The following TUBGCP6 variants were observed in gnomAD, a reference collection of about 807,000 sequenced individuals.
TUBGCP6 encodes the protein tubulin gamma complex component 6.
A neutral mutation model predicts 175.8 loss-of-function variants in TUBGCP6; 161 were observed. That is an observed-to-expected ratio of 0.92 (90% CI 0.81 to 1.04). TUBGCP6 has a LOEUF of 1.04. Ranked by LOEUF, TUBGCP6 falls within the 50% of genes least tolerant of loss-of-function variation. The pLI, the probability that TUBGCP6 is intolerant of heterozygous loss-of-function variation, is 0.00. For missense variants in TUBGCP6, 2,572 were observed against 2,433.0 expected (o/e 1.06, Z -1.20); for synonymous variants, 1,173 against 1,030.5 (o/e 1.14, Z -2.65).
intron 13 of TUBGCP6, 21 bp from the exon 14 acceptor site, chr22:50,222,613 G>A: frequency 6.2e-7 from 1 of 1,606,788 alleles, no homozygotes; most frequent in Non-Finnish European, 8.5e-7. Context: ...ACACCAGAGA[G>A]GACACGGCCA....
Position 50,244,054 on chromosome 22 carries a change from T to C in TUBGCP6, c.406A>G (p.Asn136Asp), listed in dbSNP as rs1415684538. The change falls in exon 1 of 25, where the codon AAC becomes GAC. Residue 136 changes from asparagine (N) to aspartate (D), a missense_variant. Physicochemically the swap from Asn to Asp is conservative, Grantham distance 23. Transcript: ENST00000248846. Reference sequence around the variant, plus strand: ...GGAACGTTTCTCCCCACATGCTTGTTGTTAAGGAAGTAGTCTCGTTTTCTC... The same window carrying C: ...GGAACGTTTCTCCCCACATGCTTGTCGTTAAGGAAGTAGTCTCGTTTTCTC... ...LPRKRDYFLN[N>D]KHVGRNVPYS... is the part of the protein sequence containing the mutation. 1.9e-6 allele frequency: 3 copies of C among 1,613,952 alleles called. No individual in the cohort carries two copies. The highest frequency in any genetic ancestry group is 3.3e-5 in the Admixed American group (2 of 60,010).
At chr22:50,234,848 CT>C (rs1396010616) in intron 2 of TUBGCP6, among the ~76,000 whole-genome samples, 1 of 149,874 alleles carries the variant, frequency 6.7e-6, no homozygotes, top group Non-Finnish European at 1.5e-5. Context: ...ACCCACACCC[CT>C]GTCCCTGGCA....
intron 13 of TUBGCP6, chr22:50,222,899 C>T (rs1409539375): frequency 1.8e-5 from 6 of 338,100 alleles, no homozygotes; most frequent in Non-Finnish European, 1.6e-5. Context: ...AGCAGGAGGC[C>T]GAGGGCCCCA....
At chr22:50,241,983 C>CAAAAAAAAAA (rs55647714) in intron 1 of TUBGCP6, among the ~76,000 whole-genome samples, 15 of 92,788 alleles carry the variant, frequency 1.6e-4, no homozygotes, top group South Asian at 3.3e-4. Flanking sequence ...GACTCCATCT[C>CAAAAAAAAAA]AAAAAAAAAA....
rs763709329 is a variant in TUBGCP6 at position 50,224,029 on chromosome 22, T to C, written c.2270+112A>G. 261 of 927,208 alleles carry C rather than the reference T, an allele frequency of 2.8e-4. 1 individual carries two copies. Among genetic ancestry groups the C allele is most frequent in the Non-Finnish European group, 7.0e-5 (42 of 602,334 alleles). The allele number at this position is 927,208 out of a possible 1,614,324, so 57.4% of individuals were successfully genotyped here. On this transcript the variant is annotated intron_variant, in intron 13 of 24. Transcript: ENST00000248846. ...CAGCATATTGGTCTTTCTACCTTAA[T>C]GTATGTTTGAAGGTTTTCAAAACAA... is the stretch of plus-strand genomic sequence containing the variant.
At chr22:50,223,791 A>C (rs2064563667) in intron 13 of TUBGCP6, 3 of 175,804 alleles carry the variant, frequency 1.7e-5, no homozygotes, top group South Asian at 2.6e-4. Context: ...AAAAAAAAAA[A>C]AAAAAAAAAA....
intron 2 of TUBGCP6, among the ~76,000 whole-genome samples, chr22:50,235,472 A>G (rs1394834499): frequency 3.9e-5 from 6 of 152,266 alleles, no homozygotes; most frequent in African/African-American, 1.2e-4. Context: ...CAGCTCAGAC[A>G]CGTGCTCCAG....
chr22:50,241,299 G>A lies in TUBGCP6; in HGVS notation c.742-932C>T, dbSNP rs2064835958. On this transcript the variant is annotated intron_variant, in intron 1 of 24. Coordinates refer to ENST00000248846, the MANE Select transcript of TUBGCP6 (RefSeq NM_020461.4). ...GGCCACTAGAGGGCTCCTTAGTCTAGTGGTAATGGCAGCACCTGGGAAGAC... is the reference window on the plus strand; with the variant it reads ...GGCCACTAGAGGGCTCCTTAGTCTAATGGTAATGGCAGCACCTGGGAAGAC... Among the ~76,000 whole-genome samples, 3 of 152,168 alleles carry A rather than the reference G, an allele frequency of 2.0e-5. No homozygotes were observed. The South Asian group carries it at 6.2e-4, about 32-fold the overall frequency.
In TUBGCP6 at chr22:50,219,317, C is replaced by T; in HGVS notation, c.4455G>A (p.Lys1485=). 5 of 1,603,486 alleles carry T rather than the reference C, an allele frequency of 3.1e-6. No individual in the cohort carries two copies. Among genetic ancestry groups the T allele is most frequent in the African/African-American group, 1.3e-5 (1 of 75,020 alleles). Residue 1485 remains lysine (K), a synonymous_variant, in exon 19 of 25, where the codon AAG becomes AAA. Transcript: ENST00000248846. ...SELLTLPVLM[K]RSITAPLAAH... Reference sequence around the variant, plus strand: ...CGGCCAGCGGTGCCGTGATGGAGCGCTTCATGAGCACGGGCAGCGTCAGCA... The same window carrying T: ...CGGCCAGCGGTGCCGTGATGGAGCGTTTCATGAGCACGGGCAGCGTCAGCA...
At chr22:50,243,525 C>G (rs947253088) in intron 1 of TUBGCP6, among the ~76,000 whole-genome samples, 194 bp downstream of exon 1, 4 of 137,910 alleles carry the variant, frequency 2.9e-5, no homozygotes, top group Non-Finnish European at 4.5e-5. Flanking sequence ...GGCTGAGGTA[C>G]GAGAATTGCT....
At chr22:50,225,563 G>C (rs1265481853) in intron 10 of TUBGCP6, among the ~76,000 whole-genome samples, 1 of 139,924 alleles carries the variant, frequency 7.1e-6, no homozygotes, top group East Asian at 2.1e-4. Flanking sequence ...TCTGGCTCCG[G>C]ACATTCATCT....
rs936182958 is a variant in TUBGCP6 at position 50,244,984 on chromosome 22, C to T, written c.-525G>A. On this transcript the variant is annotated 5_prime_UTR_variant, in exon 1 of 25. Transcript: ENST00000248846. ...ACCCGTGGAAAGTGCCCACGGCTGC[C>T]GCTCTCGCCGCCTCCGTCGCGTCAC... The T allele has an allele frequency of 7.0e-5, 16 of 227,240 alleles. No individual in the cohort carries two copies. The highest frequency in any genetic ancestry group is 2.1e-4 in the African/African-American group (9 of 41,982). The allele number at this position is 227,240 out of a possible 1,614,324, so 14.1% of individuals were successfully genotyped here.
At chr22:50,230,168 T>C (rs1213564725) in intron 3 of TUBGCP6, among the ~76,000 whole-genome samples, 1 of 152,192 alleles carries the variant, frequency 6.6e-6, no homozygotes, top group African/African-American at 2.4e-5. Flanking sequence ...CCTAAAGAGA[T>C]ATTTTAAAAA....
intron 24 of TUBGCP6, 26 bp downstream of exon 24, chr22:50,217,892 G>T (rs1480102817): frequency 6.2e-6 from 10 of 1,604,804 alleles, no homozygotes; most frequent in African/African-American, 1.3e-5. Flanking sequence ...CCCCCCCGCA[G>T]CCCTCCCAGC....
chr22:50,220,697 G>C lies in TUBGCP6; in HGVS notation c.3662C>G (p.Thr1221Ser), dbSNP rs2147177823. 1.9e-6 allele frequency: 3 copies of C among 1,611,006 alleles called. No individual in the cohort carries two copies. Among genetic ancestry groups the C allele is most frequent in the Non-Finnish European group, 2.5e-6 (3 of 1,179,776 alleles). Reference sequence around the variant, plus strand: ...TACGTTCTCCCCAACCCTGATGCTGGTGTCAGACACATGTCCGTGGGTGTT... The same window carrying C: ...TACGTTCTCCCCAACCCTGATGCTGCTGTCAGACACATGTCCGTGGGTGTT... ...RWNTHGHVSD[T>S]SIRVGENVSD... is the part of the protein sequence containing the mutation. The change falls in exon 16 of 25, where the codon ACC (threonine) becomes AGC (serine). Residue 1221 changes from threonine to serine, a missense_variant. Physicochemically the swap from Thr to Ser is moderately conservative, Grantham distance 58. Coordinates refer to ENST00000248846, the MANE Select transcript of TUBGCP6 (RefSeq NM_020461.4).
In TUBGCP6 at chr22:50,219,666, G is replaced by A. The variant is rs1276169876; in HGVS notation, c.4293C>T (p.Tyr1431=). 3 of 1,613,700 alleles carry A rather than the reference G, an allele frequency of 1.9e-6. No homozygotes were observed. Among genetic ancestry groups the A allele is most frequent in the Non-Finnish European group, 2.5e-6 (3 of 1,179,952 alleles). Residue 1431 remains tyrosine (Y), a synonymous_variant, in exon 18 of 25, where the codon TAC becomes TAT. Transcript: ENST00000248846. ...CACACATGGACTCGTAACTGTCCGGGTACCGCTCCAAGTGGTACTGCCCTG... is the reference window on the plus strand; with the variant it reads ...CACACATGGACTCGTAACTGTCCGGATACCGCTCCAAGTGGTACTGCCCTG... ...GLAGQYHLER[Y]PDSYESMSEP...
intron 2 of TUBGCP6, among the ~76,000 whole-genome samples, chr22:50,239,378 T>C (rs1279808543): frequency 2.0e-5 from 3 of 152,170 alleles, no homozygotes; most frequent in Admixed American, 1.3e-4. Context: ...GGTTTCACCA[T>C]GTTGCCCAGG....
In TUBGCP6 at chr22:50,230,475, C is replaced by T. The variant is rs571623359; in HGVS notation, c.1117-898G>A. Among the ~76,000 whole-genome samples, 10 of 152,188 alleles carry T rather than the reference C, an allele frequency of 6.6e-5. No individual in the cohort carries two copies. In the South Asian group the frequency reaches 1.7e-3, roughly 25 times the overall value. On this transcript the variant is annotated intron_variant, in intron 3 of 24. Transcript: ENST00000248846. ...TACAAAAATTAGCCAGGCATGGTGG[C>T]GTGCACCTGTAGTCCCAGCTACGCA...
At chr22:50,226,256 G>C in intron 8 of TUBGCP6, 31 bp downstream of exon 8, 1 of 1,613,936 alleles carries the variant, frequency 6.2e-7, no homozygotes, top group East Asian at 2.2e-5. Flanking sequence ...CACAGGCACG[G>C]ACCCCTGCCC....
Sources: gnomAD v4.1 joint callset for allele counts (sites outside exome capture counted in the v4.1 genomes callset) on GRCh38, gnomAD v4.1.1 for gene constraint, MANE v1.5 for transcripts, NCBI Gene and HGNC (gene_info 2026-07-23, HGNC 2026-07-21) for gene names.